DCST2: variants seen among roughly 807,000 people sequenced by gnomAD.
DCST2 encodes the protein DC-STAMP domain-containing protein 2.
Under a neutral mutation model 81.8 loss-of-function variants are expected in DCST2, and 64 were observed. The ratio of observed to expected loss-of-function variants is 0.78; its 90% CI spans 0.64 to 0.96. The LOEUF is 0.96. DCST2 is among the 40% of genes least tolerant of loss of function. The probability of loss-of-function intolerance (pLI) is 0.00; values close to 1 mark genes in which losing one functional copy is unlikely to be tolerated. For synonymous variants in DCST2, 354 were observed against 402.6 expected, an observed-to-expected ratio of 0.88 and a Z score of 1.44; for missense variants, 945 against 1,001.4, an observed-to-expected ratio of 0.94 and a Z score of 0.76.
intron 12 of DCST2, 141 bp downstream of exon 12, chr1:155,023,691 T>C: frequency 1.9e-6 from 3 of 1,564,766 alleles, no homozygotes; most frequent in Non-Finnish European, 2.6e-6. Flanking sequence ...TCTGTGTAAA[T>C]GAGAACGTGC....
At chr1:155,031,513 A>AAT in intron 4 of DCST2, 61 bp downstream of exon 4, 2 of 709,772 alleles carry the variant, frequency 2.8e-6, no homozygotes, top group Non-Finnish European at 4.9e-6. Context: ...TGACCCCCAC[A>AAT]TTCCCACCCC....
At chr1:155,024,357 G>A in intron 11 of DCST2, 115 bp downstream of exon 11, 2 of 1,385,392 alleles carry the variant, frequency 1.4e-6, no homozygotes, top group South Asian at 1.7e-5. Flanking sequence ...TATGCAATGG[G>A]CATTCTCTTC....
chr1:155,022,529 G>C (rs1471619525), intron 14 of DCST2, among the ~76,000 whole-genome samples: 2 of 152,090 alleles, frequency 1.3e-5, no homozygotes, highest in African/African-American at 2.4e-5. Flanking sequence ...TCAGGAGTTT[G>C]AGACCAGCCT....
At position 155,031,694 on chromosome 1, in the gene DCST2, G is replaced by C; in HGVS notation, c.619C>G (p.Leu207Val). The change falls in exon 4 of 15, where the codon CTG (leucine) becomes GTG (valine). Residue 207 changes from leucine (L) to valine (V), a missense_variant. Physicochemically the swap from Leu to Val is conservative, Grantham distance 32. Coordinates refer to ENST00000368424, the MANE Select transcript of DCST2 (RefSeq NM_144622.3). ...VCNSELGNPY[L>V]KCARVFDDAK... ...TCATCGAAAACCCGTGCACACTTCA[G>C]GTAAGGGTTGCCCAGTTCCGAGTTG... 1.2e-6 allele frequency: 2 copies of C among 1,614,136 alleles called. No individual in the cohort carries two copies. The highest frequency in any genetic ancestry group is 1.7e-4 in the Middle Eastern group (1 of 6,060).
At chr1:155,022,637 C>T (rs936851902) in intron 14 of DCST2, among the ~76,000 whole-genome samples, 2 of 151,946 alleles carry the variant, frequency 1.3e-5, no homozygotes, top group South Asian at 4.2e-4. Flanking sequence ...TCCCAGCTAC[C>T]CAGGAGACTG....
rs373931993 is a variant in DCST2 at position 155,031,535 on chromosome 1, C to T, written c.739+39G>A. ...CACATTCCCACCCCACCCCACCCCA[C>T]ATCGGCTCCTCCCCGCTGGCAGACC... On this transcript the variant is annotated intron_variant, in intron 4 of 14. Coordinates refer to ENST00000368424, the MANE Select transcript of DCST2 (RefSeq NM_144622.3). The T allele has an allele frequency of 2.5e-6, 4 of 1,577,326 alleles. No homozygotes were observed. In the African/African-American group the frequency reaches 4.1e-5, roughly 16 times the overall value.
intron 7 of DCST2, 129 bp downstream of exon 7, chr1:155,029,955 C>A: frequency 7.2e-7 from 1 of 1,388,070 alleles, no homozygotes; most frequent in Non-Finnish European, 9.7e-7. Context: ...GGTTGTGTCT[C>A]CTCCCTCTGG....
chr1:155,032,700 A>G lies in DCST2; in HGVS notation c.508T>C (p.Phe170Leu). The change falls in exon 3 of 15, where the codon TTT (phenylalanine) becomes CTT (leucine). Residue 170 changes from phenylalanine (F) to leucine (L), a missense_variant. Physicochemically the swap from Phe to Leu is conservative, Grantham distance 22. Coordinates refer to ENST00000368424, the MANE Select transcript of DCST2 (RefSeq NM_144622.3). ...TTCACACCATCCATGATTGACCGAA[A>G]GAACTTGCGGACCCGGTCAGCCACC... ...KEVADRVRKF[F>L]RSIMDGVKHI... 1 of 1,614,118 alleles carries G rather than the reference A, an allele frequency of 6.2e-7. No homozygotes were observed. Among genetic ancestry groups the G allele is most frequent in the Non-Finnish European group, 8.5e-7 (1 of 1,179,976 alleles).
chr1:155,027,198 A>ATTT (rs900841532), intron 8 of DCST2, among the ~76,000 whole-genome samples: 40 of 94,196 alleles, frequency 4.2e-4, no homozygotes, highest in Non-Finnish European at 5.3e-4. Flanking sequence ...ACGACCGGCT[A>ATTT]TTTTTTTTTT....
At chr1:155,026,252 A>G in intron 10 of DCST2, 50 bp downstream of exon 10, 1 of 1,576,682 alleles carries the variant, frequency 6.3e-7, no homozygotes, top group South Asian at 1.1e-5. Context: ...CCACTAGCTA[A>G]GCCCCCTGGG....
At position 155,023,586 on chromosome 1, in the gene DCST2, T is replaced by C. The variant is rs776738670; in HGVS notation, c.1871-129A>G. The C allele has an allele frequency of 7.1e-6, 11 of 1,546,438 alleles. No homozygotes were observed. The South Asian group carries it at 1.3e-4, about 19-fold the overall frequency. ...ACCATCCTTGTCAAGGGGTGCACAC[T>C]AGGGAGCTGCTGCAATGCCACTTGC... On this transcript the variant is annotated intron_variant, in intron 12 of 14. Coordinates refer to ENST00000368424, the MANE Select transcript of DCST2 (RefSeq NM_144622.3).
rs766859451 is a variant in DCST2, at chr1:155,023,351, C to A, written c.1964+13G>T. 6.2e-7 allele frequency: 1 copy of A among 1,609,316 alleles called. No homozygotes were observed. Among genetic ancestry groups the A allele is most frequent in the South Asian group, 1.1e-5 (1 of 90,382 alleles). ...TACAGACTCCAGCCACCCCATGTCACTGAAAGACTCACAGCTCCAGGTCCA... is the reference window on the plus strand; with the variant it reads ...TACAGACTCCAGCCACCCCATGTCAATGAAAGACTCACAGCTCCAGGTCCA... On this transcript the variant is annotated intron_variant, in intron 13 of 14. Coordinates refer to ENST00000368424, the MANE Select transcript of DCST2 (RefSeq NM_144622.3).
chr1:155,031,321 C>T, intron 4 of DCST2, 87 bp from the exon 5 acceptor site: 1 of 1,386,454 alleles, frequency 7.2e-7, no homozygotes, highest in Non-Finnish European at 9.7e-7. Flanking sequence ...CACAGGGCCT[C>T]TTTTCGATTT....
rs533162366 is a variant in DCST2 at position 155,024,510 on chromosome 1, G to A, written c.1704C>T (p.Asp568=). Residue 568 remains aspartate, a synonymous_variant, in exon 11 of 15, where the codon GAC becomes GAT. Transcript: ENST00000368424. ...LHRSVRRRAA[D]QGHRSAFLVL... ...CTAGGAAGGCACTTCTGTGGCCCTGGTCAGCCGCCCGCCGCCTCACTGATC... is the reference window on the plus strand; with the variant it reads ...CTAGGAAGGCACTTCTGTGGCCCTGATCAGCCGCCCGCCGCCTCACTGATC... 5 of 1,607,854 alleles carry A rather than the reference G, an allele frequency of 3.1e-6. No individual in the cohort carries two copies. Among genetic ancestry groups the A allele is most frequent in the Admixed American group, 1.7e-5 (1 of 59,472 alleles).
chr1:155,024,338 C>A (rs796314274), intron 11 of DCST2, 134 bp downstream of exon 11: 7 of 1,249,618 alleles, frequency 5.6e-6, no homozygotes, highest in African/African-American at 1.5e-5. Context: ...CCTTTCACAG[C>A]GTTAAGGGTA....
At chr1:155,030,833 C>A in intron 5 of DCST2, 188 bp from the exon 6 acceptor site, 1 of 631,250 alleles carries the variant, frequency 1.6e-6, no homozygotes. Context: ...ATCGCCATCA[C>A]ATGCTCAGCA....
Position 155,023,475 on chromosome 1 carries a change from G to C in DCST2, c.1871-18C>G, listed in dbSNP as rs987695156. On this transcript the variant is annotated intron_variant, in intron 12 of 14. Coordinates refer to ENST00000368424, the MANE Select transcript of DCST2 (RefSeq NM_144622.3). ...GTAGAGACCTGGTGGAGGCCATGGG[G>C]AATGGAGGTGAACCCGAGTTCACCC... The C allele has an allele frequency of 6.4e-7, 1 of 1,570,872 alleles. No individual in the cohort carries two copies. The highest frequency in any genetic ancestry group is 1.3e-5 in the African/African-American group (1 of 74,104).
rs761777453 is a variant in DCST2 at position 155,018,600 on chromosome 1, A to G, written c.2266T>C (p.Ser756Pro). 16 of 1,613,280 alleles carry G rather than the reference A, an allele frequency of 9.9e-6. No individual in the cohort carries two copies. The South Asian group carries it at 1.6e-4, about 17-fold the overall frequency. Residue 756 changes from serine to proline, a missense_variant, in exon 15 of 15, where the codon TCA (serine) becomes CCA (proline). By Grantham distance (74) the Ser-to-Pro change is moderately conservative. Transcript: ENST00000368424. ...KGAPTPASEP[S>P]VPLSPPSLPD... Reference sequence around the variant, plus strand: ...AGAGAGGGAGGTGAGAGAGGGACTGAGGGTTCTGAAGCTGGAGTGGGGGCT... The same window carrying G: ...AGAGAGGGAGGTGAGAGAGGGACTGGGGGTTCTGAAGCTGGAGTGGGGGCT...
At chr1:155,031,319 C>T in intron 4 of DCST2, 85 bp from the exon 5 acceptor site, 2 of 1,393,838 alleles carry the variant, frequency 1.4e-6, no homozygotes, top group Non-Finnish European at 1.9e-6. Flanking sequence ...CTCACAGGGC[C>T]TCTTTTCGAT....
Sources: allele counts gnomAD v4.1 joint callset (sites outside exome capture counted in the v4.1 genomes callset), GRCh38; gene constraint gnomAD v4.1.1; transcripts MANE v1.5; gene names NCBI Gene and HGNC (gene_info 2026-07-23, HGNC 2026-07-21).